LTN1: variants seen among roughly 807,000 people sequenced by gnomAD.
LTN1 encodes the protein listerin E3 ubiquitin protein ligase 1.
A neutral mutation model predicts 201.2 loss-of-function variants in LTN1; 88 were observed. The ratio of observed to expected loss-of-function variants is 0.44; its 90% CI spans 0.37 to 0.52. The LOEUF (loss-of-function observed/expected upper bound fraction) is 0.52. Ranked by LOEUF, LTN1 falls within the 20% of genes least tolerant of loss-of-function variation. The pLI is 0.00. For synonymous variants in LTN1, 645 were observed against 713.5 expected (o/e 0.90, Z 1.53); for missense variants, 1,752 against 2,038.7 (o/e 0.86, Z 2.71).
chr21:28,992,645 C>A, intron 1 of LTN1, 119 bp downstream of exon 1: 1 of 1,097,368 alleles, frequency 9.1e-7, no homozygotes, highest in Non-Finnish European at 1.3e-6. Context: ...AGGTCACACT[C>A]GACAGGGAAA....
chr21:28,970,475 T>C, intron 8 of LTN1, 77 bp downstream of exon 8: 1 of 963,474 alleles, frequency 1.0e-6, no homozygotes, highest in Non-Finnish European at 1.6e-6. Flanking sequence ...CTTGGAGAAA[T>C]TTAAGTAAGA....
At chr21:28,969,382 A>G (rs1238207901) in intron 9 of LTN1, 84 bp downstream of exon 9, 2 of 1,150,704 alleles carry the variant, frequency 1.7e-6, no homozygotes, top group Non-Finnish European at 2.4e-6. Context: ...AAGGCTTATT[A>G]CTGTAAATGG....
chr21:28,959,418 C>A (rs747902412), intron 13 of LTN1, 40 bp downstream of exon 13: 5 of 1,591,928 alleles, frequency 3.1e-6, no homozygotes, highest in Admixed American at 1.7e-5. Context: ...AGGTCAGAGC[C>A]GGAGATTCCC....
chr21:28,962,396 C>T (rs2084486372), intron 11 of LTN1, among the ~76,000 whole-genome samples: 1 of 152,164 alleles, frequency 6.6e-6, no homozygotes, highest in South Asian at 2.1e-4. Context: ...GTAATTCTCA[C>T]AATATTTCAA....
Position 28,928,632 on chromosome 21 carries a change from C to T in LTN1, c.*1816G>A, listed in dbSNP as rs1054542138. 3 of 152,014 alleles carry T rather than the reference C, an allele frequency of 2.0e-5. No homozygotes were observed. The highest frequency in any genetic ancestry group is 4.8e-5 in the African/African-American group (2 of 41,414). 9.4% of individuals were successfully genotyped at this position (152,014 alleles called of 1,614,324 possible). On this transcript the variant is annotated 3_prime_UTR_variant, in exon 30 of 30. Transcript: ENST00000361371. Reference sequence around the variant, plus strand: ...ACAGTTAACAAGCTTTACAATTATACTTACAAGTCTTAAAGAAATGTATTA... The same window carrying T: ...ACAGTTAACAAGCTTTACAATTATATTTACAAGTCTTAAAGAAATGTATTA...
intron 18 of LTN1, among the ~76,000 whole-genome samples, 157 bp from the exon 19 acceptor site, chr21:28,947,763 T>G (rs1242300704): frequency 1.3e-5 from 2 of 152,044 alleles, no homozygotes; most frequent in Non-Finnish European, 2.9e-5. Context: ...AAGTGCTGAC[T>G]TGATGAAATT....
chr21:28,933,769 C>T (rs1349474857), intron 27 of LTN1, among the ~76,000 whole-genome samples: 3 of 151,698 alleles, frequency 2.0e-5, no homozygotes, highest in East Asian at 1.9e-4. Context: ...CTCCGCCTCC[C>T]GGGTTCAAAA....
intron 1 of LTN1, among the ~76,000 whole-genome samples, chr21:28,990,372 C>A (rs1452153267): frequency 6.6e-6 from 1 of 152,178 alleles, no homozygotes; most frequent in African/African-American, 2.4e-5. Context: ...TTTCTCTAAA[C>A]CTCAGTTTCA....
chr21:28,934,153 T>G (rs2084235285), intron 27 of LTN1, among the ~76,000 whole-genome samples: 1 of 152,182 alleles, frequency 6.6e-6, no homozygotes, highest in Non-Finnish European at 1.5e-5. Flanking sequence ...CAAAAATAAT[T>G]ATCAGTCTCG....
At chr21:28,959,755 A>T in intron 12 of LTN1, 58 bp from the exon 13 acceptor site, 1 of 1,359,958 alleles carries the variant, frequency 7.4e-7, no homozygotes. Context: ...GTATTTTTAA[A>T]TATCTTACTT....
At chr21:28,937,472 C>T (rs2084265756) in intron 25 of LTN1, among the ~76,000 whole-genome samples, 2 of 152,052 alleles carry the variant, frequency 1.3e-5, no homozygotes, top group South Asian at 4.1e-4. Flanking sequence ...ATAATATGTA[C>T]TAGGGTAAGT....
chr21:28,985,417 G>A (rs1282329224), intron 3 of LTN1, among the ~76,000 whole-genome samples: 2 of 149,702 alleles, frequency 1.3e-5, no homozygotes, highest in African/African-American at 4.9e-5. Flanking sequence ...CAGAGATCGC[G>A]CCACTGCACT....
At chr21:28,935,463 C>A (rs1336141421) in intron 26 of LTN1, 134 bp from the exon 27 acceptor site, 1 of 616,672 alleles carries the variant, frequency 1.6e-6, no homozygotes, top group Non-Finnish European at 2.9e-6. Context: ...AACAAACATA[C>A]CAGAGAAACC....
At chr21:28,953,126 A>G in intron 17 of LTN1, 91 bp downstream of exon 17, 1 of 789,432 alleles carries the variant, frequency 1.3e-6, no homozygotes, top group South Asian at 2.2e-5. Flanking sequence ...TGACTGAAAC[A>G]TTAGCATGCA....
intron 1 of LTN1, among the ~76,000 whole-genome samples, chr21:28,987,319 C>T (rs1262696010): frequency 6.6e-6 from 1 of 152,148 alleles, no homozygotes; most frequent in African/African-American, 2.4e-5. Context: ...TTATTTCTAA[C>T]TTTCATATAA....
Position 28,971,358 on chromosome 21 carries a change from T to C in LTN1, c.897A>G (p.Pro299=). Residue 299 remains proline (P), a synonymous_variant, in exon 7 of 30, where the codon CCA becomes CCG. Coordinates refer to ENST00000361371, the MANE Select transcript of LTN1 (RefSeq NM_015565.3). ...LMKEEASKVS[P]SVLLSIDDSD... Reference sequence around the variant, plus strand: ...TGTCATCAATGCTAAGTAGAACTGATGGGCTCACTTTGGATGCTTCCTCTT... The same window carrying C: ...TGTCATCAATGCTAAGTAGAACTGACGGGCTCACTTTGGATGCTTCCTCTT... 1 of 1,614,136 alleles carries C rather than the reference T, an allele frequency of 6.2e-7. No individual in the cohort carries two copies. Among genetic ancestry groups the C allele is most frequent in the South Asian group, 1.1e-5 (1 of 91,086 alleles).
rs2084697362 is a variant in LTN1, at chr21:28,986,237, C to T, written c.247G>A (p.Ala83Thr). Residue 83 changes from alanine to threonine, a missense_variant and splice_region_variant, in exon 3 of 30, where the codon GCT becomes ACT. Ala to Thr is a moderately conservative substitution (Grantham distance 58, BLOSUM62 0). Transcript: ENST00000361371. The surrounding 1 kb of genome is among the most constrained non-coding windows in gnomAD (Gnocchi z 4.1). ...CACATGGTTCCAAATTCCTGCATAGCCTAAAAGTAAGTTATTAACATCATT... is the reference window on the plus strand; with the variant it reads ...CACATGGTTCCAAATTCCTGCATAGTCTAAAAGTAAGTTATTAACATCATT... The part of the protein sequence containing the change: ...SKKDVTTKLK[A>T]MQEFGTMCTE... 1.3e-6 allele frequency: 2 copies of T among 1,569,430 alleles called. No homozygotes were observed. The highest frequency in any genetic ancestry group is 1.3e-5 in the African/African-American group (1 of 74,118).
At chr21:28,937,874 G>A (rs867684479) in intron 25 of LTN1, among the ~76,000 whole-genome samples, 37 of 152,196 alleles carry the variant, frequency 2.4e-4, no homozygotes, top group Middle Eastern at 3.4e-3. Flanking sequence ...TACTCAACCT[G>A]TAAAAGAACA....
At position 28,935,123 on chromosome 21, in the gene LTN1, A is replaced by G; in HGVS notation, c.4861T>C (p.Phe1621Leu). 1 of 1,607,448 alleles carries G rather than the reference A, an allele frequency of 6.2e-7. No homozygotes were observed. The highest frequency in any genetic ancestry group is 8.5e-7 in the Non-Finnish European group (1 of 1,174,194). The change falls in exon 27 of 30, where the codon TTT becomes CTT. Residue 1621 changes from phenylalanine (F) to leucine (L), a missense_variant. Around this residue, in one of 3 missense-constraint regions of LTN1, gnomAD observed 261 missense variants for 350.1 expected, o/e 0.75. Coordinates refer to ENST00000361371, the MANE Select transcript of LTN1 (RefSeq NM_015565.3). ...ISSVQTSTQLFNGMTVKARAT... is the reference protein window; with the variant it reads ...ISSVQTSTQLLNGMTVKARAT... Reference sequence around the variant, plus strand: ...ACAATACTAACCGTCATGCCATTAAATAGTTGTGTACTTGTTTGTACAGAA... The same window carrying G: ...ACAATACTAACCGTCATGCCATTAAGTAGTTGTGTACTTGTTTGTACAGAA...
Sources: gnomAD v4.1 joint callset for allele counts (sites outside exome capture counted in the v4.1 genomes callset) on GRCh38, gnomAD v4.1.1 for gene constraint, gnomAD v4.1.1 regional missense constraint, Gnocchi (gnomAD v3.1) non-coding constraint, MANE v1.5 for transcripts, NCBI Gene and HGNC (gene_info 2026-07-23, HGNC 2026-07-21) for gene names.